The following ERBB4 variants were observed in gnomAD, a reference collection of about 807,000 sequenced individuals.
The protein encoded by ERBB4 is erb-b2 receptor tyrosine kinase 4, also known as receptor tyrosine-protein kinase erbB-4.
ERBB4 carries 42 observed loss-of-function variants against 158.0 expected under a neutral mutation model. The ratio of observed to expected loss-of-function variants is 0.27; its 90% CI spans 0.21 to 0.34. ERBB4 has a LOEUF of 0.34. ERBB4 is among the 10% of genes least tolerant of loss of function. The pLI is 1.00. For missense variants in ERBB4, 1,333 were observed against 1,624.1 expected (o/e 0.82, Z 3.08); for synonymous variants, 583 against 558.7 (o/e 1.04, Z -0.61).
intron 1 of ERBB4, among the ~76,000 whole-genome samples, chr2:212,130,214 AT>A (rs1250002859): frequency 1.3e-5 from 2 of 152,120 alleles, no homozygotes; most frequent in Non-Finnish European, 2.9e-5. Context: ...TAAGCCTACA[AT>A]AGTTCAAGCA....
At chr2:212,114,775 TTTTA>T (rs1323629672) in intron 2 of ERBB4, among the ~76,000 whole-genome samples, 4 of 152,142 alleles carry the variant, frequency 2.6e-5, no homozygotes, top group Non-Finnish European at 4.4e-5. Context: ...TGACTTGCAA[TTTTA>T]CCTCTCTGAA....
At chr2:211,919,931 T>G (rs1249802893) in intron 3 of ERBB4, among the ~76,000 whole-genome samples, 1 of 151,964 alleles carries the variant, frequency 6.6e-6, no homozygotes, top group Non-Finnish European at 1.5e-5. Context: ...ATACACAATA[T>G]TTAAACAACC....
At chr2:211,417,222 CA>C (rs1372296688) in intron 25 of ERBB4, among the ~76,000 whole-genome samples, 1 of 152,158 alleles carries the variant, frequency 6.6e-6, no homozygotes, top group African/African-American at 2.4e-5. Flanking sequence ...CTTGTAATCT[CA>C]GCACTTTGGG....
intron 19 of ERBB4, among the ~76,000 whole-genome samples, chr2:211,580,895 ATATATATATAT>A (rs1192018842): frequency 0.23 from 1,996 of 8,636 alleles, 409 homozygotes; most frequent in African/African-American, 0.55. Context: ...ATATATATAT[ATATATATATAT>A]ATATATATAT....
In ERBB4 at chr2:212,006,297, C is replaced by G. The variant is rs559242383; in HGVS notation, c.235-58681G>C. 2.6e-5 allele frequency among the ~76,000 whole-genome samples: 4 copies of G among 152,068 alleles called. No individual in the cohort carries two copies. The East Asian group carries it at 7.7e-4, about 29-fold the overall frequency. On this transcript the variant is annotated intron_variant, in intron 2 of 27. Transcript: ENST00000342788. The stretch of plus-strand genomic sequence containing the variant: ...AGTGTATAAAAACAAATTTATAAAA[C>G]AAGTTTATCTACCTCTTTCATTATA...
At chr2:212,258,468 T>C (rs915595379) in intron 1 of ERBB4, among the ~76,000 whole-genome samples, 1 of 151,408 alleles carries the variant, frequency 6.6e-6, no homozygotes, top group African/African-American at 2.4e-5. Context: ...TTCCAAATAA[T>C]AAACAAAAAT....
intron 2 of ERBB4, among the ~76,000 whole-genome samples, chr2:211,956,121 T>C (rs2081022441): frequency 6.6e-6 from 1 of 151,950 alleles, no homozygotes; most frequent in Non-Finnish European, 1.5e-5. Flanking sequence ...GTATTTCAAA[T>C]AGACATTTTA....
intron 2 of ERBB4, among the ~76,000 whole-genome samples, chr2:212,003,144 GGAAGGAAAGAAA>G (rs1457760251): frequency 6.4e-4 from 8 of 12,598 alleles, no homozygotes; most frequent in African/African-American, 1.6e-3. Flanking sequence ...AAGGAAGGAA[GGAAGGAAAGAAA>G]GAAAGAAAGA....
chr2:212,003,159 AAG>A, intron 2 of ERBB4, among the ~76,000 whole-genome samples: 1 of 20,354 alleles, frequency 4.9e-5, no homozygotes, highest in South Asian at 2.4e-3. Flanking sequence ...GAAAGAAAGA[AAG>A]AAAGAAAGAA....
At chr2:211,678,790 C>T (rs913477523) in intron 13 of ERBB4, among the ~76,000 whole-genome samples, 2 of 151,808 alleles carry the variant, frequency 1.3e-5, no homozygotes, top group African/African-American at 4.8e-5. Context: ...CACGGTGAAA[C>T]CCCGTCTCTA....
chr2:211,789,652 A>G (rs1359283070), intron 3 of ERBB4, among the ~76,000 whole-genome samples: 1 of 152,168 alleles, frequency 6.6e-6, no homozygotes, highest in Non-Finnish European at 1.5e-5. Context: ...AACCCAGACC[A>G]GCAGGGGTGT....
chr2:211,931,401 G>C (rs1400392834), intron 3 of ERBB4, among the ~76,000 whole-genome samples: 2 of 151,938 alleles, frequency 1.3e-5, no homozygotes, highest in Non-Finnish European at 2.9e-5. Flanking sequence ...TATGCACATA[G>C]AGTTGCATTT....
At chr2:212,026,750 G>T (rs2076780861) in intron 2 of ERBB4, among the ~76,000 whole-genome samples, 1 of 151,730 alleles carries the variant, frequency 6.6e-6, no homozygotes, top group Non-Finnish European at 1.5e-5. Flanking sequence ...ATATGCCTAT[G>T]GCTGAAATTC....
intron 20 of ERBB4, among the ~76,000 whole-genome samples, chr2:211,434,229 CA>C (rs1219794469): frequency 1.3e-5 from 2 of 151,950 alleles, no homozygotes; most frequent in Non-Finnish European, 2.9e-5. Context: ...GCACATTCAC[CA>C]AAAAATTTAA....
chr2:212,219,643 A>G (rs2105948971), intron 1 of ERBB4, among the ~76,000 whole-genome samples: 1 of 151,224 alleles, frequency 6.6e-6, no homozygotes, highest in South Asian at 2.1e-4. Flanking sequence ...CCCCTTACTG[A>G]GCCTCCCTAG....
intron 1 of ERBB4, among the ~76,000 whole-genome samples, chr2:212,297,787 AT>A (rs1232235195): frequency 6.6e-6 from 1 of 151,706 alleles, no homozygotes; most frequent in Non-Finnish European, 1.5e-5. Context: ...AGTTAATGTA[AT>A]TGTATATATC....
chr2:211,650,604 C>T (rs1362220133), intron 16 of ERBB4, among the ~76,000 whole-genome samples: 1 of 152,070 alleles, frequency 6.6e-6, no homozygotes, highest in Non-Finnish European at 1.5e-5. Flanking sequence ...ATCATTCCCT[C>T]TACTATTCTT....
At position 212,286,767 on chromosome 2, in the gene ERBB4, A is replaced by AT. The variant is rs748586400; in HGVS notation, c.83-161865dup. ...TAGGCGGGTGGCACCATGAGGGTTA[A>AT]TTTTTTTTTTTTTTTTTTTTTTTGT... On this transcript the variant is annotated intron_variant, in intron 1 of 27. Transcript: ENST00000342788. 7.0e-3 allele frequency among the ~76,000 whole-genome samples: 276 copies of AT among 39,544 alleles called. 35 individuals are homozygous for AT. Among genetic ancestry groups the AT allele is most frequent in the Admixed American group, 0.024 (50 of 2,080 alleles). 25.9% of individuals were successfully genotyped at this position (39,544 alleles called of 152,430 possible).
chr2:212,036,940 A>G (rs924166500), intron 2 of ERBB4, among the ~76,000 whole-genome samples: 2 of 152,222 alleles, frequency 1.3e-5, no homozygotes, highest in Non-Finnish European at 2.9e-5. Context: ...TCCTAGAGAT[A>G]GCAGAAATGC....
Sources: gnomAD v4.1 joint callset for allele counts (sites outside exome capture counted in the v4.1 genomes callset) on GRCh38, gnomAD v4.1.1 for gene constraint, MANE v1.5 for transcripts, NCBI Gene and HGNC (gene_info 2026-07-23, HGNC 2026-07-21) for gene names.